The following KIAA1217 variants were observed in gnomAD, a reference collection of about 807,000 sequenced individuals.
The protein encoded by KIAA1217 is sickle tail protein homolog.
A neutral mutation model predicts 163.9 loss-of-function variants in KIAA1217; 88 were observed. That is an observed-to-expected ratio of 0.54 (90% CI 0.45 to 0.64). KIAA1217 has a LOEUF of 0.64. Ranked by LOEUF, KIAA1217 falls within the 30% of genes least tolerant of loss-of-function variation. The probability of loss-of-function intolerance (pLI) is 0.00; values close to 1 mark genes in which losing one functional copy is unlikely to be tolerated. For synonymous variants in KIAA1217, 903 were observed against 923.1 expected (o/e 0.98, Z 0.39); for missense variants, 2,372 against 2,475.0 (o/e 0.96, Z 0.88).
chr10:24,095,384 GC>G (rs1437358933), intron 2 of KIAA1217, among the ~76,000 whole-genome samples: 1 of 152,168 alleles, frequency 6.6e-6, no homozygotes, highest in African/African-American at 2.4e-5. Flanking sequence ...CATGGCTCCA[GC>G]CCTCTAATGG....
chr10:24,127,644 G>A (rs1422932700), intron 2 of KIAA1217, among the ~76,000 whole-genome samples: 1 of 152,120 alleles, frequency 6.6e-6, no homozygotes, highest in Non-Finnish European at 1.5e-5. Flanking sequence ...GACCCCAGCA[G>A]CTTTACAGAT....
At chr10:24,009,154 A>G (rs1472248805) in intron 2 of KIAA1217, among the ~76,000 whole-genome samples, 1 of 152,236 alleles carries the variant, frequency 6.6e-6, no homozygotes, top group Non-Finnish European at 1.5e-5. Flanking sequence ...AAAGAATAAA[A>G]TAAAGCTGGA....
intron 1 of KIAA1217, among the ~76,000 whole-genome samples, chr10:23,869,128 T>G (rs1019489926): frequency 3.0e-5 from 4 of 132,766 alleles, no homozygotes; most frequent in South Asian, 4.9e-4. Flanking sequence ...AATGTAGTTT[T>G]TTTTTTTTTT....
At chr10:24,266,842 C>G (rs377100678) in intron 2 of KIAA1217, among the ~76,000 whole-genome samples, 2 of 152,200 alleles carry the variant, frequency 1.3e-5, no homozygotes, top group East Asian at 3.9e-4. Flanking sequence ...TCCCCTTCCA[C>G]GATGTGGAAG....
intron 3 of KIAA1217, among the ~76,000 whole-genome samples, chr10:24,406,515 C>G (rs1235381595): frequency 3.3e-5 from 5 of 151,976 alleles, no homozygotes. Flanking sequence ...ATAAAAGAAA[C>G]CTGAACACGC....
intron 1 of KIAA1217, among the ~76,000 whole-genome samples, chr10:23,826,031 C>T (rs2131026683): frequency 6.6e-6 from 1 of 152,192 alleles, no homozygotes; most frequent in East Asian, 1.9e-4. Context: ...CCTGGGGTGG[C>T]CAGTATGCTA....
intron 2 of KIAA1217, among the ~76,000 whole-genome samples, chr10:24,304,746 C>T (rs1053548685): frequency 1.3e-5 from 2 of 152,060 alleles, no homozygotes; most frequent in Admixed American, 1.3e-4. Flanking sequence ...GTAAAAGGTC[C>T]AGGTGGAGAA....
chr10:24,416,699 T>TC (rs927070612), intron 3 of KIAA1217, among the ~76,000 whole-genome samples: 7 of 151,542 alleles, frequency 4.6e-5, no homozygotes, highest in Non-Finnish European at 7.4e-5. Context: ...TCAGGAAGGG[T>TC]CCCCCCCACA....
chr10:24,230,502 GTTTTTTTT>G (rs71397936), intron 2 of KIAA1217, among the ~76,000 whole-genome samples: 1 of 90,608 alleles, frequency 1.1e-5, no homozygotes, highest in Non-Finnish European at 1.9e-5. Context: ...TATTTGTTTT[GTTTTTTTT>G]TTTTTTTTTT....
intron 1 of KIAA1217, among the ~76,000 whole-genome samples, chr10:23,818,378 G>T: frequency 7.2e-6 from 1 of 138,096 alleles, no homozygotes. Flanking sequence ...ATATAGCCAT[G>T]CTCCCATTCT....
At chr10:23,802,171 A>G (rs1487711410) in intron 1 of KIAA1217, among the ~76,000 whole-genome samples, 9 of 152,188 alleles carry the variant, frequency 5.9e-5, no homozygotes, top group African/African-American at 2.2e-4. Flanking sequence ...GAGCTTGTAC[A>G]GTCAGGTAAG....
At chr10:23,704,170 GTGTATA>G (rs1423990734) in intron 1 of KIAA1217, among the ~76,000 whole-genome samples, 965 of 53,942 alleles carry the variant, frequency 0.018, 7 homozygotes, top group Admixed American at 0.023. Context: ...GTGTGTGTGT[GTGTATA>G]TATATATATA....
At chr10:24,175,525 G>T (rs2065838902) in intron 2 of KIAA1217, among the ~76,000 whole-genome samples, 1 of 151,986 alleles carries the variant, frequency 6.6e-6, no homozygotes, top group African/African-American at 2.4e-5. Flanking sequence ...ATCTTATCCA[G>T]GTTGCTGCAA....
Position 23,790,133 on chromosome 10 carries a change from GCATATACA to G in KIAA1217, c.-321+94913_-321+94920del, listed in dbSNP as rs1252530541. Among the ~76,000 whole-genome samples the G allele has an allele frequency of 3.7e-4, 20 of 54,504 alleles. 1 individual carries two copies. The highest frequency in any genetic ancestry group is 4.8e-4 in the African/African-American group (5 of 10,340). 35.8% of individuals were successfully genotyped at this position (54,504 alleles called of 152,430 possible). The stretch of plus-strand genomic sequence containing the variant: ...TATGCATATACACATATACACATAT[GCATATACA>G]CATATACACATATGCATATACACAT... On this transcript the variant is annotated intron_variant, in intron 1 of 18. Transcript: ENST00000376462.
chr10:24,011,297 A>T (rs1002726961), intron 2 of KIAA1217, among the ~76,000 whole-genome samples: 1 of 151,990 alleles, frequency 6.6e-6, no homozygotes, highest in Non-Finnish European at 1.5e-5. Flanking sequence ...ACTTGCCTGG[A>T]CAACATAGCG....
At chr10:23,851,115 G>A (rs189420131) in intron 1 of KIAA1217, among the ~76,000 whole-genome samples, 2 of 151,958 alleles carry the variant, frequency 1.3e-5, no homozygotes, top group East Asian at 3.9e-4. Context: ...TGCGACCATT[G>A]ACTCGTCATT....
chr10:23,796,000 G>T (rs1439858298), intron 1 of KIAA1217, among the ~76,000 whole-genome samples: 1 of 152,172 alleles, frequency 6.6e-6, no homozygotes, highest in Admixed American at 6.5e-5. Flanking sequence ...TCCCTTGAAA[G>T]AACTCAAAAT....
At chr10:23,807,251 T>C (rs575317967) in intron 1 of KIAA1217, among the ~76,000 whole-genome samples, 1 of 152,386 alleles carries the variant, frequency 6.6e-6, no homozygotes, top group Admixed American at 6.5e-5. Context: ...AGTGGATTAG[T>C]GACCTGGATT....
intron 1 of KIAA1217, among the ~76,000 whole-genome samples, chr10:23,791,230 A>C (rs995373812): frequency 6.6e-6 from 1 of 152,198 alleles, no homozygotes; most frequent in Non-Finnish European, 1.5e-5. Flanking sequence ...ATTCTGTTTT[A>C]AAAAACTTTG....
Sources: allele counts gnomAD v4.1 joint callset (sites outside exome capture counted in the v4.1 genomes callset), GRCh38; gene constraint gnomAD v4.1.1; transcripts MANE v1.5; gene names NCBI Gene and HGNC (gene_info 2026-07-23, HGNC 2026-07-21).